FGF18: variants seen among roughly 807,000 people sequenced by gnomAD.
FGF18 encodes the protein fibroblast growth factor 18.
Under a neutral mutation model 23.0 loss-of-function variants are expected in FGF18, and 5 were observed. That is an observed-to-expected ratio of 0.22 (90% confidence interval 0.11 to 0.46). The LOEUF (loss-of-function observed/expected upper bound fraction) is 0.46. Ranked by LOEUF, FGF18 falls within the 20% of genes least tolerant of loss-of-function variation. The pLI is 0.99. For synonymous variants in FGF18, 117 were observed against 118.9 expected (o/e 0.98, Z 0.10); for missense variants, 180 against 291.6 (o/e 0.62, Z 2.79).
At chr5:171,449,665 G>C (rs930283090) in intron 4 of FGF18, among the ~76,000 whole-genome samples, 2 of 152,118 alleles carry the variant, frequency 1.3e-5, no homozygotes, top group African/African-American at 4.8e-5. Context: ...TGGCTGCATC[G>C]ATCGTTTTAA....
Position 171,451,014 on chromosome 5 carries a change from C to A in FGF18, c.357+1761C>A. 6.6e-6 allele frequency among the ~76,000 whole-genome samples: 1 copy of A among 152,000 alleles called. No individual in the cohort carries two copies. On this transcript the variant is annotated intron_variant, in intron 4 of 4. Coordinates refer to ENST00000274625, the MANE Select transcript of FGF18 (RefSeq NM_003862.3). The surrounding 1 kb of genome is among the most constrained non-coding windows in gnomAD (Gnocchi z 4.5). ...CGGCATCTTGACCCCAGGAGGGCTG[C>A]GCGGGGGTCAAAAGAGCAGCCCCGT...
At chr5:171,428,477 C>G (rs540249599) in intron 2 of FGF18, among the ~76,000 whole-genome samples, 1 of 152,282 alleles carries the variant, frequency 6.6e-6, no homozygotes, top group South Asian at 2.1e-4. Context: ...AGATGTTTCA[C>G]GTAGACCTTG....
intron 2 of FGF18, among the ~76,000 whole-genome samples, chr5:171,431,109 C>G (rs1239418575): frequency 1.3e-5 from 2 of 152,144 alleles, no homozygotes; most frequent in Non-Finnish European, 2.9e-5. Flanking sequence ...CATGAGTGGG[C>G]TGGAGAGGCT....
Position 171,436,197 on chromosome 5 carries a change from C to A in FGF18, c.174C>A (p.Tyr58Ter), listed in dbSNP as rs781656350. 1 of 1,608,342 alleles carries A rather than the reference C, an allele frequency of 6.2e-7. No homozygotes were observed. Among genetic ancestry groups the A allele is most frequent in the Non-Finnish European group, 8.5e-7 (1 of 1,176,970 alleles). The change falls in exon 3 of 5, where the codon TAC becomes TAA. Residue 58 changes from tyrosine (Y) to a stop codon, truncating the protein, a stop_gained. Transcript: ENST00000274625. LOFTEE classifies it high-confidence loss of function. This position sits in a 1 kb window ranked among gnomAD's most constrained non-coding sequence, Gnocchi z 4.4. ...AGCAGCTGCGGCTGTACCAGCTCTA[C>A]AGCCGGACCAGTGGGAAACACATCC... ...SRKQLRLYQL[Y>*]SRTSGKHIQV... is the part of the protein sequence containing the mutation.
chr5:171,438,549 TG>T (rs1327581904), intron 3 of FGF18, among the ~76,000 whole-genome samples: 1 of 152,122 alleles, frequency 6.6e-6, no homozygotes, highest in Non-Finnish European at 1.5e-5. Flanking sequence ...TTCCAGTACC[TG>T]GGGACTAGGC....
Position 171,456,655 on chromosome 5 carries a change from G to A in FGF18, c.474G>A (p.Arg158=). 6.2e-7 allele frequency: 1 copy of A among 1,614,040 alleles called. No individual in the cohort carries two copies. Among genetic ancestry groups the A allele is most frequent in the Non-Finnish European group, 8.5e-7 (1 of 1,179,996 alleles). The part of the protein sequence containing the change: ...GWYVGFTKKG[R]PRKGPKTREN... ...ACGTGGGCTTCACCAAGAAGGGGCGGCCGCGGAAGGGCCCCAAGACCCGGG... is the reference window on the plus strand; with the variant it reads ...ACGTGGGCTTCACCAAGAAGGGGCGACCGCGGAAGGGCCCCAAGACCCGGG... Residue 158 remains arginine (R), a synonymous_variant, in exon 5 of 5, where the codon CGG becomes CGA. Transcript: ENST00000274625. The surrounding 1 kb of genome is among the most constrained non-coding windows in gnomAD (Gnocchi z 6.1).
chr5:171,432,253 T>C (rs967890777), intron 2 of FGF18, among the ~76,000 whole-genome samples: 12 of 152,136 alleles, frequency 7.9e-5, no homozygotes, highest in Non-Finnish European at 1.5e-4. Flanking sequence ...AAGTGGATGT[T>C]CCCGAGGCAG....
At chr5:171,450,261 C>T (rs1581279664) in intron 4 of FGF18, among the ~76,000 whole-genome samples, 1 of 152,148 alleles carries the variant, frequency 6.6e-6, no homozygotes, top group East Asian at 1.9e-4. Context: ...TTTTGAATCC[C>T]CCAAGTCTTA....
chr5:171,438,853 T>G (rs1772292904), intron 3 of FGF18, among the ~76,000 whole-genome samples: 1 of 151,978 alleles, frequency 6.6e-6, no homozygotes. Context: ...GGCAGGAGGA[T>G]GGGCCTGCTC....
rs4076077 is a variant in FGF18 at position 171,436,505 on chromosome 5, C to T, written c.250+232C>T. 0.53 allele frequency among the ~76,000 whole-genome samples: 80,141 copies of T among 152,048 alleles called. 21,268 individuals carry two copies. The highest frequency in any genetic ancestry group is 0.59 in the African/African-American group (24,305 of 41,468). ...AGATGTGAATGAAAAGTTCTTTGGC[C>T]GGTAAATGCCCCATAAGTCGCATTT... On this transcript the variant is annotated intron_variant, in intron 3 of 4. Coordinates refer to ENST00000274625, the MANE Select transcript of FGF18 (RefSeq NM_003862.3). The surrounding 1 kb of genome is among the most constrained non-coding windows in gnomAD (Gnocchi z 4.4).
rs572631746 is a variant in FGF18, at chr5:171,436,707, T to C, written c.250+434T>C. ...TGTGTGTTATGTGCGCGTGTGCATA[T>C]GGGTGCTTTGAGCTTGAGCCTGTGC... On this transcript the variant is annotated intron_variant, in intron 3 of 4. Coordinates refer to ENST00000274625, the MANE Select transcript of FGF18 (RefSeq NM_003862.3). The surrounding 1 kb of genome is among the most constrained non-coding windows in gnomAD (Gnocchi z 4.4). Among the ~76,000 whole-genome samples, 1 of 152,320 alleles carries C rather than the reference T, an allele frequency of 6.6e-6. No homozygotes were observed. The highest frequency in any genetic ancestry group is 2.1e-4 in the South Asian group (1 of 4,828).
intron 4 of FGF18, among the ~76,000 whole-genome samples, chr5:171,454,541 G>A (rs763984181): frequency 2.0e-5 from 3 of 152,172 alleles, no homozygotes; most frequent in Non-Finnish European, 4.4e-5. Context: ...TGCCTGTTCT[G>A]CAGCCTCCTC....
chr5:171,454,396 G>T lies in FGF18; in HGVS notation c.358-2143G>T, dbSNP rs566892793. The stretch of plus-strand genomic sequence containing the variant: ...ACACAGCTTCCAGAATTTTCCATGG[G>T]GTACCCAGAGCCCAGGGACCACTCC... On this transcript the variant is annotated intron_variant, in intron 4 of 4. Coordinates refer to ENST00000274625, the MANE Select transcript of FGF18 (RefSeq NM_003862.3). Among the ~76,000 whole-genome samples, 575 of 152,114 alleles carry T rather than the reference G, an allele frequency of 3.8e-3. 4 individuals are homozygous for T. The highest frequency in any genetic ancestry group is 0.013 in the African/African-American group (535 of 41,484).
In FGF18 at chr5:171,436,862, C is replaced by T. The variant is rs1772254517; in HGVS notation, c.250+589C>T. On this transcript the variant is annotated intron_variant, in intron 3 of 4. Transcript: ENST00000274625. The surrounding 1 kb of genome is among the most constrained non-coding windows in gnomAD (Gnocchi z 4.4). ...CGCTCCCCTGCCTATGCTGCCTCTG[C>T]AATGGCTGGGAGGAGTGAGACATCC... 6.6e-6 allele frequency among the ~76,000 whole-genome samples: 1 copy of T among 152,182 alleles called. No homozygotes were observed. Among genetic ancestry groups the T allele is most frequent in the Admixed American group, 6.5e-5 (1 of 15,282 alleles).
chr5:171,456,445 T>C lies in FGF18; in HGVS notation c.358-94T>C. The C allele has an allele frequency of 3.1e-6, 4 of 1,275,788 alleles. No homozygotes were observed. The highest frequency in any genetic ancestry group is 1.9e-4 in the Middle Eastern group (1 of 5,144). The allele number at this position is 1,275,788 out of a possible 1,614,324, so 79.0% of individuals were successfully genotyped here. ...TTCATTACAGTTGTCCCTACAACAA[T>C]CGCAATGGTCCTGAATAAAACCTTC... On this transcript the variant is annotated intron_variant, in intron 4 of 4. Coordinates refer to ENST00000274625, the MANE Select transcript of FGF18 (RefSeq NM_003862.3). The surrounding 1 kb of genome is among the most constrained non-coding windows in gnomAD (Gnocchi z 6.1).
intron 4 of FGF18, 90 bp downstream of exon 4, chr5:171,449,343 C>T: frequency 1.5e-6 from 1 of 653,734 alleles, no homozygotes; most frequent in Non-Finnish European, 2.7e-6. Flanking sequence ...ACTGTCAGTC[C>T]CAAATGGAAA....
At position 171,420,276 on chromosome 5, in the gene FGF18, T is replaced by C. The variant is rs1379652275; in HGVS notation, c.32+45T>C. ...GCTGCCCACCTTGCCTGGCTGTCTG[T>C]CCGTATGCCTGTGCCCTGTACCTCT... On this transcript the variant is annotated intron_variant, in intron 1 of 4. Transcript: ENST00000274625. 1.9e-6 allele frequency: 3 copies of C among 1,604,350 alleles called. No homozygotes were observed. In the African/African-American group the frequency reaches 4.0e-5, roughly 21 times the overall value.
chr5:171,421,883 T>TG lies in FGF18; in HGVS notation c.69+1445dup, dbSNP rs532893169. Among the ~76,000 whole-genome samples the TG allele has an allele frequency of 8.4e-3, 248 of 29,578 alleles. 1 individual carries two copies. Among genetic ancestry groups the TG allele is most frequent in the South Asian group, 0.056 (44 of 790 alleles). 19.4% of individuals were successfully genotyped at this position (29,578 alleles called of 152,430 possible). ...GATGTGACCTGTGTGGTGATGGGGG[T>TG]GGGGGTGGGGAACGGCTGGTGTCAA... On this transcript the variant is annotated intron_variant, in intron 2 of 4. Transcript: ENST00000274625.
chr5:171,433,726 A>G (rs941990188), intron 2 of FGF18, among the ~76,000 whole-genome samples: 5 of 152,180 alleles, frequency 3.3e-5, no homozygotes, highest in African/African-American at 1.2e-4. Flanking sequence ...CAATGGACTT[A>G]ACTTTTCTGG....
Sources: allele counts gnomAD v4.1 joint callset (sites outside exome capture counted in the v4.1 genomes callset), GRCh38; gene constraint gnomAD v4.1.1; non-coding constraint Gnocchi (gnomAD v3.1); transcripts MANE v1.5; gene names NCBI Gene and HGNC (gene_info 2026-07-23, HGNC 2026-07-21).